The following P4HA1 variants were observed in gnomAD, a reference collection of about 807,000 sequenced individuals.
The protein encoded by P4HA1 is prolyl 4-hydroxylase subunit alpha-1.
A neutral mutation model predicts 72.8 loss-of-function variants in P4HA1; 24 were observed. That is an observed-to-expected ratio of 0.33 (90% CI 0.24 to 0.46). The LOEUF is 0.46. Among genes scored for constraint, P4HA1 ranks in the 20% least tolerant of loss-of-function variants. P4HA1 has a pLI of 1.00. For missense variants in P4HA1, 446 were observed against 640.6 expected (o/e 0.70, Z 3.28); for synonymous variants, 201 against 218.8 (o/e 0.92, Z 0.72).
At chr10:73,054,478 C>T (rs562883442) in intron 5 of P4HA1, among the ~76,000 whole-genome samples, 2 of 152,190 alleles carry the variant, frequency 1.3e-5, no homozygotes, top group South Asian at 4.2e-4. Flanking sequence ...ATTAACTTCC[C>T]CACCTTGCCC....
intron 5 of P4HA1, among the ~76,000 whole-genome samples, chr10:73,064,599 G>A (rs551247760): frequency 2.0e-5 from 3 of 152,116 alleles, no homozygotes; most frequent in East Asian, 1.9e-4. Context: ...CCAGCAGTTC[G>A]GGAGGCTGAG....
intron 9 of P4HA1, among the ~76,000 whole-genome samples, chr10:73,031,495 C>A (rs1180483822): frequency 6.6e-5 from 10 of 152,100 alleles, no homozygotes; most frequent in African/African-American, 2.4e-4. Context: ...TACATACATG[C>A]TACAACATGG....
chr10:73,012,081 T>A (rs1015982559), intron 12 of P4HA1, among the ~76,000 whole-genome samples: 1 of 152,106 alleles, frequency 6.6e-6, no homozygotes, highest in South Asian at 2.1e-4. Context: ...TGATAATCAA[T>A]TAAAATGCTA....
At chr10:73,095,522 T>TAAAAA in intron 1 of P4HA1, among the ~76,000 whole-genome samples, 1 of 133,508 alleles carries the variant, frequency 7.5e-6, no homozygotes, top group Non-Finnish European at 1.6e-5. Flanking sequence ...ACCAGAACTT[T>TAAAAA]AAAAAAAAAA....
chr10:73,017,343 AC>A (rs1037692816), intron 10 of P4HA1, among the ~76,000 whole-genome samples: 4 of 150,754 alleles, frequency 2.7e-5, no homozygotes, highest in African/African-American at 9.8e-5. Flanking sequence ...ACCCCTCCCC[AC>A]CCCCCACCAG....
At chr10:73,010,832 T>C (rs911360139) in intron 13 of P4HA1, 137 bp downstream of exon 13, 2 of 640,610 alleles carry the variant, frequency 3.1e-6, no homozygotes, top group Non-Finnish European at 5.5e-6. Context: ...GGCTCCAGCC[T>C]GGGCAACAGA....
intron 1 of P4HA1, among the ~76,000 whole-genome samples, chr10:73,076,787 A>T (rs576637093): frequency 2.6e-5 from 4 of 152,138 alleles, no homozygotes; most frequent in Non-Finnish European, 5.9e-5. Flanking sequence ...ACAGGCTCCC[A>T]TTAGTTACCC....
At chr10:73,092,516 A>G (rs1370592499) in intron 1 of P4HA1, among the ~76,000 whole-genome samples, 2 of 147,506 alleles carry the variant, frequency 1.4e-5, no homozygotes, top group Non-Finnish European at 3.0e-5. Flanking sequence ...ATGCCCCCTT[A>G]ATTAAAAAAA....
At chr10:73,047,355 T>G (rs966844279) in intron 7 of P4HA1, among the ~76,000 whole-genome samples, 1 of 152,000 alleles carries the variant, frequency 6.6e-6, no homozygotes, top group Admixed American at 6.6e-5. Context: ...GTATCTCTTT[T>G]AACCCTTCAC....
At position 73,064,510 on chromosome 10, in the gene P4HA1, A is replaced by G. The variant is rs149410059; in HGVS notation, c.463+4336T>C. 8.2e-4 allele frequency among the ~76,000 whole-genome samples: 125 copies of G among 151,954 alleles called. 7 individuals carry two copies. Among genetic ancestry groups the G allele is most frequent in the African/African-American group, 2.6e-3 (107 of 41,460 alleles). On this transcript the variant is annotated intron_variant, in intron 5 of 14. Coordinates refer to ENST00000394890, the MANE Select transcript of P4HA1 (RefSeq NM_001017962.3). Reference sequence around the variant, plus strand: ...ATAAAGAAAATAAAGAAAATAAACTATAATATCATAGGCACTATAGGAAAA... The same window carrying G: ...ATAAAGAAAATAAAGAAAATAAACTGTAATATCATAGGCACTATAGGAAAA...
At chr10:73,023,975 C>T (rs1451737431) in intron 10 of P4HA1, among the ~76,000 whole-genome samples, 11 of 152,086 alleles carry the variant, frequency 7.2e-5, no homozygotes, top group Admixed American at 5.2e-4. Flanking sequence ...TACAGGGGCA[C>T]CCAGATTCAT....
chr10:73,093,849 A>AAT (rs1422327471), intron 1 of P4HA1, among the ~76,000 whole-genome samples: 1 of 44,998 alleles, frequency 2.2e-5, no homozygotes, highest in African/African-American at 1.3e-4. Context: ...TCTCAAAAAA[A>AAT]AAAAAAAAAA....
intron 1 of P4HA1, among the ~76,000 whole-genome samples, chr10:73,080,211 A>G (rs1435841607): frequency 5.3e-5 from 8 of 152,228 alleles, no homozygotes; most frequent in Non-Finnish European, 8.8e-5. Context: ...GTCACTTACA[A>G]TAGGAAGTTC....
chr10:73,010,063 G>C, intron 13 of P4HA1, among the ~76,000 whole-genome samples, 160 bp from the exon 14 acceptor site: 1 of 151,858 alleles, frequency 6.6e-6, no homozygotes, highest in Non-Finnish European at 1.5e-5. Context: ...CCACCTCCCA[G>C]GTTGAAGTGA....
intron 7 of P4HA1, among the ~76,000 whole-genome samples, 186 bp downstream of exon 7, chr10:73,050,867 G>A (rs1444819842): frequency 6.6e-6 from 1 of 152,052 alleles, no homozygotes; most frequent in Non-Finnish European, 1.5e-5. Context: ...AGCATGCCCA[G>A]CTAATTTTTA....
intron 10 of P4HA1, among the ~76,000 whole-genome samples, chr10:73,020,431 AC>A (rs1358518993): frequency 2.0e-5 from 3 of 152,124 alleles, no homozygotes; most frequent in Non-Finnish European, 1.5e-5. Flanking sequence ...AAACAAAAAA[AC>A]AACCTACTAA....
intron 9 of P4HA1, among the ~76,000 whole-genome samples, chr10:73,038,740 C>T (rs1840662646): frequency 8.2e-6 from 1 of 122,004 alleles, no homozygotes; most frequent in Admixed American, 7.7e-5. Flanking sequence ...CATTCTCCTG[C>T]CTCAGCCTCC....
chr10:73,078,809 G>A (rs1443363045), intron 1 of P4HA1, among the ~76,000 whole-genome samples: 1 of 151,696 alleles, frequency 6.6e-6, no homozygotes, highest in East Asian at 1.9e-4. Flanking sequence ...ACGGGGTTTT[G>A]CCACATTGGC....
At chr10:73,093,889 T>TAC (rs1842103251) in intron 1 of P4HA1, among the ~76,000 whole-genome samples, 1 of 75,860 alleles carries the variant, frequency 1.3e-5, no homozygotes, top group African/African-American at 5.9e-5. Context: ...TATATATATA[T>TAC]ATATATATAT....
Sources: allele counts gnomAD v4.1 joint callset (sites outside exome capture counted in the v4.1 genomes callset), GRCh38; gene constraint gnomAD v4.1.1; transcripts MANE v1.5; gene names NCBI Gene and HGNC (gene_info 2026-07-23, HGNC 2026-07-21).